BCAT1: variants seen among roughly 807,000 people sequenced by gnomAD.
BCAT1 encodes branched chain amino acid transaminase 1.
Under a neutral mutation model 52.4 loss-of-function variants are expected in BCAT1, and 48 were observed. That is an observed-to-expected ratio of 0.92 (90% CI 0.73 to 1.16). The LOEUF is 1.16. Among genes scored for constraint, BCAT1 ranks in the 50% most tolerant of loss-of-function variants. The pLI is 0.00. For missense variants in BCAT1, 451 were observed against 457.1 expected (o/e 0.99, Z 0.12); for synonymous variants, 167 against 161.3 (o/e 1.04, Z -0.27).
chr12:24,920,927 C>T (rs1943491345), intron 1 of BCAT1, among the ~76,000 whole-genome samples: 1 of 152,146 alleles, frequency 6.6e-6, no homozygotes, highest in Admixed American at 6.5e-5. Flanking sequence ...CAAATAAAAG[C>T]CAATGAAGAG....
At chr12:24,900,158 TA>T (rs1388356187) in intron 2 of BCAT1, among the ~76,000 whole-genome samples, 8 of 152,264 alleles carry the variant, frequency 5.3e-5, no homozygotes. Context: ...ATATCATTTT[TA>T]CACATGCCTT....
At chr12:24,840,420 A>G (rs1283386913) in intron 7 of BCAT1, among the ~76,000 whole-genome samples, 2 of 152,242 alleles carry the variant, frequency 1.3e-5, no homozygotes. Flanking sequence ...CACTGGCTAC[A>G]ATCTTCCAAG....
At chr12:24,822,499 C>T (rs1174331602) in intron 10 of BCAT1, among the ~76,000 whole-genome samples, 2 of 152,212 alleles carry the variant, frequency 1.3e-5, no homozygotes, top group Non-Finnish European at 2.9e-5. Context: ...AAATGTAAAA[C>T]ATGATGCAAT....
At chr12:24,850,695 G>A (rs1006890174) in intron 5 of BCAT1, among the ~76,000 whole-genome samples, 22 of 152,250 alleles carry the variant, frequency 1.4e-4, no homozygotes, top group African/African-American at 5.1e-4. Flanking sequence ...TAAGGCAAAC[G>A]CTGAGTTATA....
intron 10 of BCAT1, among the ~76,000 whole-genome samples, chr12:24,825,502 G>A (rs1375216971): frequency 6.6e-6 from 1 of 150,896 alleles, no homozygotes; most frequent in Admixed American, 6.6e-5. Context: ...TTTTAACTAG[G>A]GCAAGTGGAT....
At chr12:24,948,872 G>T (rs150573923) in intron 1 of BCAT1, 55 bp downstream of exon 1, 2 of 1,566,218 alleles carry the variant, frequency 1.3e-6, no homozygotes, top group Non-Finnish European at 8.7e-7. Flanking sequence ...AGAAATCGCC[G>T]GTTCGATTCA....
At chr12:24,913,215 A>T (rs1943357265) in intron 1 of BCAT1, among the ~76,000 whole-genome samples, 1 of 152,204 alleles carries the variant, frequency 6.6e-6, no homozygotes. Context: ...ATAATCCTGT[A>T]TGTATTTACA....
chr12:24,850,368 T>C (rs190750323), intron 5 of BCAT1, among the ~76,000 whole-genome samples: 4 of 152,330 alleles, frequency 2.6e-5, no homozygotes, highest in Admixed American at 1.3e-4. Context: ...CATCCTTCTG[T>C]TTCATAGCCT....
chr12:24,849,197 C>T (rs1048255358), intron 6 of BCAT1, among the ~76,000 whole-genome samples: 1 of 152,282 alleles, frequency 6.6e-6, no homozygotes, highest in African/African-American at 2.4e-5. Flanking sequence ...TCGTCCAACA[C>T]TTTTCAAATG....
At chr12:24,919,185 A>ATTT (rs1943465185) in intron 1 of BCAT1, among the ~76,000 whole-genome samples, 3 of 152,250 alleles carry the variant, frequency 2.0e-5, no homozygotes, top group African/African-American at 7.2e-5. Flanking sequence ...GTTAGGCACA[A>ATTT]AAGAACCAAA....
At chr12:24,943,845 GT>G (rs1447273758) in intron 1 of BCAT1, among the ~76,000 whole-genome samples, 6 of 152,044 alleles carry the variant, frequency 3.9e-5, no homozygotes, top group Non-Finnish European at 7.4e-5. Flanking sequence ...TTAGCCGGGC[GT>G]GGTGGCGGGC....
chr12:24,824,092 T>C (rs1414520299), intron 10 of BCAT1, among the ~76,000 whole-genome samples: 1 of 152,214 alleles, frequency 6.6e-6, no homozygotes, highest in Non-Finnish European at 1.5e-5. Context: ...CCTTCCTCAG[T>C]GAAAGCTTCA....
intron 8 of BCAT1, chr12:24,833,749 C>T (rs1223373583): frequency 6.6e-6 from 1 of 151,632 alleles, no homozygotes; most frequent in Non-Finnish European, 1.5e-5. Context: ...AAGTAAGTGA[C>T]AGAAACTCAA....
chr12:24,866,312 G>A (rs2139538901), intron 5 of BCAT1, among the ~76,000 whole-genome samples: 1 of 152,348 alleles, frequency 6.6e-6, no homozygotes, highest in South Asian at 2.1e-4. Flanking sequence ...TTCTCGCCAG[G>A]CCTTAGCTGC....
intron 3 of BCAT1, among the ~76,000 whole-genome samples, chr12:24,886,812 C>T (rs923139174): frequency 1.5e-5 from 2 of 132,316 alleles, no homozygotes; most frequent in African/African-American, 5.7e-5. Context: ...GCCTGGGCAA[C>T]ATAGTAAGAC....
chr12:24,903,426 A>C, intron 1 of BCAT1: 3 of 161,128 alleles, frequency 1.9e-5, no homozygotes, highest in Non-Finnish European at 4.0e-5. Flanking sequence ...CCGACTCCAA[A>C]TCCAACTGAC....
chr12:24,919,201 T>C (rs572060257), intron 1 of BCAT1, among the ~76,000 whole-genome samples: 1 of 152,360 alleles, frequency 6.6e-6, no homozygotes, highest in East Asian at 1.9e-4. Flanking sequence ...CCAAATTAGA[T>C]TTTAAATATG....
chr12:24,868,808 T>C (rs1942097648), intron 5 of BCAT1, among the ~76,000 whole-genome samples: 1 of 152,166 alleles, frequency 6.6e-6, no homozygotes, highest in Non-Finnish European at 1.5e-5. Context: ...AGTACTTCTG[T>C]TCATCAAAAG....
intron 2 of BCAT1, among the ~76,000 whole-genome samples, chr12:24,900,148 A>G (rs1032034118): frequency 1.3e-5 from 2 of 152,320 alleles, no homozygotes; most frequent in Middle Eastern, 6.8e-3. Flanking sequence ...TAAATTATCA[A>G]TATCATTTTT....
Sources: allele counts gnomAD v4.1 joint callset (sites outside exome capture counted in the v4.1 genomes callset), GRCh38; gene constraint gnomAD v4.1.1; transcripts MANE v1.5; gene names NCBI Gene and HGNC (gene_info 2026-07-23, HGNC 2026-07-21).